The following ADGRL3 variants were observed in gnomAD, a reference collection of about 807,000 sequenced individuals.
ADGRL3 encodes calcium-independent alpha-latrotoxin receptor 3.
ADGRL3 carries 62 observed loss-of-function variants against 153.5 expected under a neutral mutation model. The observed-to-expected ratio is 0.40, with a 90% CI of 0.33 to 0.50. The LOEUF is 0.50. ADGRL3 is among the 20% of genes least tolerant of loss of function. ADGRL3 has a pLI of 0.47. For missense variants in ADGRL3, 1,641 were observed against 1,859.4 expected, an observed-to-expected ratio of 0.88 and a Z score of 2.16; for synonymous variants, 710 against 672.5, an observed-to-expected ratio of 1.06 and a Z score of -0.86.
intron 1 of ADGRL3, among the ~76,000 whole-genome samples, chr4:61,237,180 T>A (rs1439494703): frequency 6.6e-6 from 1 of 152,184 alleles, no homozygotes; most frequent in Non-Finnish European, 1.5e-5. Context: ...ATGCTAGGAA[T>A]CTTCACATTT....
At chr4:62,069,091 A>G (rs1040837065) in intron 26 of ADGRL3, among the ~76,000 whole-genome samples, 6 of 152,156 alleles carry the variant, frequency 3.9e-5, no homozygotes, top group African/African-American at 1.4e-4. Context: ...GAAGTGATTT[A>G]TGAAGCTATT....
At chr4:61,559,992 A>G (rs1410314028) in intron 4 of ADGRL3, among the ~76,000 whole-genome samples, 1 of 152,030 alleles carries the variant, frequency 6.6e-6, no homozygotes, top group Non-Finnish European at 1.5e-5. Context: ...CATCCCCCAC[A>G]TATTCACATG....
At chr4:61,713,805 G>A (rs2096052549) in intron 6 of ADGRL3, among the ~76,000 whole-genome samples, 1 of 152,062 alleles carries the variant, frequency 6.6e-6, no homozygotes, top group African/African-American at 2.4e-5. Context: ...CATCTAAACA[G>A]GAAAGGCTAT....
chr4:61,775,557 C>G, intron 8 of ADGRL3: 1 of 831,012 alleles, frequency 1.2e-6, no homozygotes, highest in Non-Finnish European at 2.1e-6. Context: ...GAGGCTTCCC[C>G]TCTCTGTCAG....
chr4:61,358,465 CG>C (rs2096223158), intron 1 of ADGRL3, among the ~76,000 whole-genome samples: 2 of 151,836 alleles, frequency 1.3e-5, no homozygotes, highest in Non-Finnish European at 2.9e-5. Context: ...GGCGTGGTGG[CG>C]GGCGCCTGTA....
chr4:62,033,430 A>G (rs1723264203), intron 23 of ADGRL3, among the ~76,000 whole-genome samples: 1 of 151,748 alleles, frequency 6.6e-6, no homozygotes. Flanking sequence ...GTAAATGGTG[A>G]GTGAGAATAG....
chr4:61,443,763 C>G (rs1004335190), intron 2 of ADGRL3, among the ~76,000 whole-genome samples: 1 of 151,974 alleles, frequency 6.6e-6, no homozygotes, highest in Admixed American at 6.6e-5. Flanking sequence ...GGAGATAAGC[C>G]ATAACTAATC....
Position 62,071,166 on chromosome 4 carries a change from G to T in ADGRL3, c.*258G>T. The T allele has an allele frequency of 2.7e-6, 1 of 363,750 alleles. No individual in the cohort carries two copies. The highest frequency in any genetic ancestry group is 4.4e-5 in the East Asian group (1 of 22,952). The allele number at this position is 363,750 out of a possible 1,614,324, so 22.5% of individuals were successfully genotyped here. On this transcript the variant is annotated 3_prime_UTR_variant, in exon 27 of 27. Coordinates refer to ENST00000683033, the MANE Select transcript of ADGRL3 (RefSeq NM_001387552.1). ...CAGATGGAGACTTCATTATGTTAAT[G>T]AACAAGATATGAAGAAAATGGCACT... is the stretch of plus-strand genomic sequence containing the variant.
chr4:61,438,953 CACCT>C (rs1481873356), intron 2 of ADGRL3, among the ~76,000 whole-genome samples: 1 of 152,134 alleles, frequency 6.6e-6, no homozygotes, highest in East Asian at 1.9e-4. Flanking sequence ...ATGATCCGCC[CACCT>C]CTGCCTCCCA....
At position 61,714,332 on chromosome 4, in the gene ADGRL3, A is replaced by C. The variant is rs149833612; in HGVS notation, c.584-16290A>C. On this transcript the variant is annotated intron_variant, in intron 6 of 26. Transcript: ENST00000683033. ...AAGTCAGAGTTAAAGATTATGGTGAATGTATTGTATTGTTTATGTATACTT... is the reference window on the plus strand; with the variant it reads ...AAGTCAGAGTTAAAGATTATGGTGACTGTATTGTATTGTTTATGTATACTT... Among the ~76,000 whole-genome samples, 21 of 151,742 alleles carry C rather than the reference A, an allele frequency of 1.4e-4. No homozygotes were observed. In the East Asian group the frequency reaches 3.7e-3, roughly 27 times the overall value.
chr4:61,908,216 A>G (rs1030986814), intron 11 of ADGRL3, among the ~76,000 whole-genome samples: 3 of 152,222 alleles, frequency 2.0e-5, no homozygotes, highest in South Asian at 2.1e-4. Flanking sequence ...ATTCAAGGTT[A>G]CAGTGAACTG....
intron 6 of ADGRL3, among the ~76,000 whole-genome samples, chr4:61,698,666 G>T (rs1236544638): frequency 1.3e-5 from 2 of 152,064 alleles, no homozygotes; most frequent in Admixed American, 1.3e-4. Flanking sequence ...TAATTTGTGA[G>T]TTTATCTTAT....
chr4:61,813,988 A>G (rs2097659730), intron 9 of ADGRL3, 99 bp downstream of exon 9: 1 of 1,471,264 alleles, frequency 6.8e-7, no homozygotes, highest in Non-Finnish European at 9.1e-7. Flanking sequence ...GTGCCTGTTC[A>G]AAAAGCAGGG....
chr4:61,247,801 A>G (rs1052330415), intron 1 of ADGRL3, among the ~76,000 whole-genome samples: 7 of 151,708 alleles, frequency 4.6e-5, no homozygotes, highest in Admixed American at 2.6e-4. Flanking sequence ...CAAAGGTATC[A>G]ATAATAATAA....
intron 1 of ADGRL3, among the ~76,000 whole-genome samples, chr4:61,296,253 C>T (rs768454423): frequency 9.2e-5 from 14 of 152,152 alleles, no homozygotes; most frequent in Middle Eastern, 6.8e-3. Context: ...CGGAGTGCAG[C>T]GATGAAAAAT....
At chr4:61,674,956 G>A (rs2095136210) in intron 5 of ADGRL3, among the ~76,000 whole-genome samples, 1 of 151,906 alleles carries the variant, frequency 6.6e-6, no homozygotes, top group South Asian at 2.1e-4. Flanking sequence ...CTGATCATCA[G>A]CCTCTAACAT....
In ADGRL3 at chr4:61,730,100, C is replaced by A. The variant is rs544912720; in HGVS notation, c.584-522C>A. ...GTGTAGTCTCATGAGGTGCATTTCT[C>A]ATAAGACTGACAAGCTACAGGAAAT... On this transcript the variant is annotated intron_variant, in intron 6 of 26. Transcript: ENST00000683033. 4.7e-4 allele frequency among the ~76,000 whole-genome samples: 72 copies of A among 152,016 alleles called. 1 individual carries two copies. The highest frequency in any genetic ancestry group is 1.4e-3 in the East Asian group (7 of 5,174).
chr4:61,311,826 A>C (rs947127425), intron 1 of ADGRL3, among the ~76,000 whole-genome samples: 1 of 152,156 alleles, frequency 6.6e-6, no homozygotes, highest in African/African-American at 2.4e-5. Flanking sequence ...ATTATTATAC[A>C]TTTGTCCAGA....
chr4:61,544,631 A>G (rs144802823), intron 4 of ADGRL3, among the ~76,000 whole-genome samples: 6 of 152,190 alleles, frequency 3.9e-5, no homozygotes, highest in Non-Finnish European at 8.8e-5. Context: ...AGTATCAAAA[A>G]TATTTTAGTT....
Sources: gnomAD v4.1 joint callset for allele counts (sites outside exome capture counted in the v4.1 genomes callset) on GRCh38, gnomAD v4.1.1 for gene constraint, MANE v1.5 for transcripts, NCBI Gene and HGNC (gene_info 2026-07-23, HGNC 2026-07-21) for gene names.